Variants in FSTL1 observed in about 807,000 individuals in gnomAD.
The protein encoded by FSTL1 is follistatin-related protein 1.
In FSTL1, 24 loss-of-function variants were observed where a neutral mutation model predicts 45.9. That is an observed-to-expected ratio of 0.52 (90% confidence interval 0.38 to 0.74). The LOEUF is 0.74. Ranked by LOEUF, FSTL1 falls within the 30% of genes least tolerant of loss-of-function variation. The probability of loss-of-function intolerance (pLI) is 0.00; values close to 1 mark genes in which losing one functional copy is unlikely to be tolerated. For synonymous variants in FSTL1, 120 were observed against 137.6 expected (o/e 0.87, Z 0.89); for missense variants, 340 against 381.8 (o/e 0.89, Z 0.91).
chr3:120,415,127 A>C (rs1156288282), intron 3 of FSTL1, among the ~76,000 whole-genome samples: 1 of 151,860 alleles, frequency 6.6e-6, no homozygotes, highest in African/African-American at 2.4e-5. Flanking sequence ...TTTTTCAAAA[A>C]AAAAAAAACA....
At chr3:120,417,780 C>A (rs572691411) in intron 2 of FSTL1, among the ~76,000 whole-genome samples, 1 of 152,342 alleles carries the variant, frequency 6.6e-6, no homozygotes, top group East Asian at 1.9e-4. Flanking sequence ...CATGCCTGCA[C>A]TCAAAGACAC....
chr3:120,403,165 C>T, intron 8 of FSTL1, 77 bp downstream of exon 8: 1 of 863,128 alleles, frequency 1.2e-6, no homozygotes, highest in Non-Finnish European at 2.0e-6. Context: ...CTGGAGAGTT[C>T]CACCAATCCT....
At position 120,396,814 on chromosome 3, in the gene FSTL1, C is replaced by T. The variant is rs1243584928; in HGVS notation, c.*138G>A. ...CACCTTCATATCCTTTATTGCAAAACAAATAAACAAAATAAAACTCATTGC... is the reference window on the plus strand; with the variant it reads ...CACCTTCATATCCTTTATTGCAAAATAAATAAACAAAATAAAACTCATTGC... On this transcript the variant is annotated 3_prime_UTR_variant, in exon 11 of 11. Coordinates refer to ENST00000295633, the MANE Select transcript of FSTL1 (RefSeq NM_007085.5). 1 of 709,292 alleles carries T rather than the reference C, an allele frequency of 1.4e-6. No homozygotes were observed. The highest frequency in any genetic ancestry group is 1.7e-5 in the South Asian group (1 of 59,210). The allele number at this position is 709,292 out of a possible 1,614,324, so 43.9% of individuals were successfully genotyped here. A position where few individuals can be genotyped will look rare whatever the true frequency, so the allele number is the denominator to read the frequency against.
intron 2 of FSTL1, among the ~76,000 whole-genome samples, chr3:120,449,634 A>G (rs890298538): frequency 2.7e-4 from 41 of 152,362 alleles, no homozygotes; most frequent in African/African-American, 8.7e-4. Context: ...ATGAGAATTC[A>G]GTACAATGCG....
chr3:120,440,481 G>A (rs1354143902), intron 2 of FSTL1, among the ~76,000 whole-genome samples: 1 of 152,184 alleles, frequency 6.6e-6, no homozygotes, highest in Non-Finnish European at 1.5e-5. Flanking sequence ...TCCTGGAAGC[G>A]CTCCTGAGCC....
At chr3:120,410,919 G>A in intron 5 of FSTL1, 33 bp downstream of exon 5, 1 of 1,529,726 alleles carries the variant, frequency 6.5e-7, no homozygotes, top group East Asian at 2.2e-5. Flanking sequence ...TGTCCTCCCT[G>A]AGATGCACAC....
At chr3:120,432,764 G>C (rs1937501375) in intron 2 of FSTL1, among the ~76,000 whole-genome samples, 1 of 152,200 alleles carries the variant, frequency 6.6e-6, no homozygotes, top group East Asian at 1.9e-4. Context: ...GAAAAATGAA[G>C]TAGTATGCTA....
intron 6 of FSTL1, among the ~76,000 whole-genome samples, chr3:120,407,257 A>G (rs1016856560): frequency 6.6e-6 from 1 of 152,236 alleles, no homozygotes; most frequent in Non-Finnish European, 1.5e-5. Flanking sequence ...GGGCTGAGAC[A>G]GGCACTTGCT....
intron 2 of FSTL1, chr3:120,441,319 C>T (rs1195176656): frequency 6.6e-6 from 1 of 152,210 alleles, no homozygotes; most frequent in Non-Finnish European, 1.5e-5. Context: ...TCCATTCACT[C>T]ACTCTACCTT....
chr3:120,402,877 T>C lies in FSTL1; in HGVS notation c.736A>G (p.Thr246Ala). The C allele has an allele frequency of 6.2e-7, 1 of 1,613,624 alleles. No individual in the cohort carries two copies. The highest frequency in any genetic ancestry group is 8.5e-7 in the Non-Finnish European group (1 of 1,179,600). ...ACACAGCGGTTACAGTCCACCTCGG[T>C]CTCAGCTCCATCTGCATACGTTTCA... ...EDETYADGAE[T>A]EVDCNRCVCA... The change falls in exon 9 of 11, where the codon ACC (threonine) becomes GCC (alanine). Residue 246 changes from threonine to alanine, a missense_variant. Thr to Ala is a moderately conservative substitution (Grantham distance 58). Coordinates refer to ENST00000295633, the MANE Select transcript of FSTL1 (RefSeq NM_007085.5).
intron 8 of FSTL1, 74 bp from the exon 9 acceptor site, chr3:120,402,992 A>G: frequency 2.0e-6 from 2 of 990,232 alleles, no homozygotes; most frequent in Admixed American, 1.7e-5. Context: ...CAGTCTGTGC[A>G]CCTTACCCTT....
At position 120,450,986 on chromosome 3, in the gene FSTL1, T is replaced by C; in HGVS notation, c.-90A>G. 2 of 458,598 alleles carry C rather than the reference T, an allele frequency of 4.4e-6. No homozygotes were observed. 28.4% of individuals were successfully genotyped at this position (458,598 alleles called of 1,614,324 possible). ...GTGGGAGCTCCGCCGATCGCCAGCC[T>C]CGGAGGAAATGCGACCTCCCCTCGC... On this transcript the variant is annotated 5_prime_UTR_variant, in exon 1 of 11. Coordinates refer to ENST00000295633, the MANE Select transcript of FSTL1 (RefSeq NM_007085.5).
chr3:120,410,540 A>G, intron 5 of FSTL1: 2 of 334,664 alleles, frequency 6.0e-6, no homozygotes, highest in Non-Finnish European at 1.2e-5. Context: ...TCATGATAAA[A>G]TTTTAGTGAT....
intron 4 of FSTL1, 75 bp from the exon 5 acceptor site, chr3:120,411,059 C>T (rs1395393107): frequency 2.0e-6 from 2 of 998,564 alleles, no homozygotes; most frequent in Non-Finnish European, 3.1e-6. Context: ...TCTAGGATTA[C>T]AGCTGCTCTA....
chr3:120,410,777 C>T (rs761207420), intron 5 of FSTL1, 175 bp downstream of exon 5: 3 of 713,404 alleles, frequency 4.2e-6, no homozygotes, highest in South Asian at 1.5e-5. Context: ...CAAACACATA[C>T]ACAAATGTAG....
rs113809802 is a variant in FSTL1 at position 120,434,610 on chromosome 3, C to T, written c.63+16074G>A. The stretch of plus-strand genomic sequence containing the variant: ...TTATACTTCCTTCTAGAGTCATAAA[C>T]GCACACGAACTTTGTAAAACTCTGG... On this transcript the variant is annotated intron_variant, in intron 2 of 10. Coordinates refer to ENST00000295633, the MANE Select transcript of FSTL1 (RefSeq NM_007085.5). Among the ~76,000 whole-genome samples the T allele has an allele frequency of 1.4e-3, 212 of 152,234 alleles. 1 individual carries two copies. The highest frequency in any genetic ancestry group is 4.9e-3 in the African/African-American group (202 of 41,542).
intron 2 of FSTL1, among the ~76,000 whole-genome samples, chr3:120,432,863 A>G (rs1937503376): frequency 6.6e-6 from 1 of 152,180 alleles, no homozygotes; most frequent in Non-Finnish European, 1.5e-5. Flanking sequence ...AATGCTGTCC[A>G]CTGTGTTAGC....
rs141839680 is a variant in FSTL1, at chr3:120,405,679, C to T, written c.463-708G>A. The stretch of plus-strand genomic sequence containing the variant: ...CCTCAGATCATCCAGCTCAGGCTGC[C>T]CTCATGACCCAGCTGGCATCCCACA... On this transcript the variant is annotated intron_variant, in intron 6 of 10. Coordinates refer to ENST00000295633, the MANE Select transcript of FSTL1 (RefSeq NM_007085.5). 1.7e-3 allele frequency among the ~76,000 whole-genome samples: 258 copies of T among 152,334 alleles called. 2 individuals are homozygous for T. The highest frequency in any genetic ancestry group is 6.2e-3 in the South Asian group (30 of 4,822).
intron 2 of FSTL1, among the ~76,000 whole-genome samples, chr3:120,443,394 C>T (rs1303709556): frequency 6.7e-6 from 1 of 149,808 alleles, no homozygotes; most frequent in Non-Finnish European, 1.5e-5. Context: ...CCACACTCTT[C>T]CTAATAGTAG....
Sources: gnomAD v4.1 joint callset for allele counts (sites outside exome capture counted in the v4.1 genomes callset) on GRCh38, gnomAD v4.1.1 for gene constraint, MANE v1.5 for transcripts, NCBI Gene and HGNC (gene_info 2026-07-23, HGNC 2026-07-21) for gene names.